PCDHA5: variants seen among roughly 807,000 people sequenced by gnomAD.
PCDHA5 encodes protocadherin alpha-5.
A neutral mutation model predicts 61.6 loss-of-function variants in PCDHA5; 43 were observed. That is an observed-to-expected ratio of 0.70 (90% CI 0.55 to 0.90). The LOEUF (loss-of-function observed/expected upper bound fraction) is 0.90. PCDHA5 is among the 40% of genes least tolerant of loss of function. The probability of loss-of-function intolerance (pLI) is 0.00; values close to 1 mark genes in which losing one functional copy is unlikely to be tolerated. For missense variants in PCDHA5, 1,298 were observed against 1,222.7 expected (o/e 1.06, Z -0.92); for synonymous variants, 627 against 543.9 (o/e 1.15, Z -2.13).
intron 1 of PCDHA5, chr5:140,824,619 T>TTG (rs1768249462): frequency 7.7e-6 from 1 of 129,516 alleles, no homozygotes; most frequent in African/African-American, 3.5e-5. Flanking sequence ...AGTTTTTTTT[T>TTG]TTTTTTTTTT....
At chr5:140,876,334 A>G (rs782377581) in intron 1 of PCDHA5, 3 of 1,613,912 alleles carry the variant, frequency 1.9e-6, no homozygotes, top group African/African-American at 1.3e-5. Flanking sequence ...TTTGCCAGTG[A>G]GTGAGAAATG....
chr5:140,928,012 A>C, intron 1 of PCDHA5: 2 of 1,614,190 alleles, frequency 1.2e-6, no homozygotes, highest in Non-Finnish European at 1.7e-6. Context: ...TTCTAATGGT[A>C]GGGTCATTTG....
rs1218932812 is a variant in PCDHA5, at chr5:140,823,547, C to T, written c.1772C>T (p.Ala591Val). Residue 591 changes from alanine to valine, a missense_variant, in exon 1 of 4, where the codon GCG (alanine) becomes GTG (valine). Physicochemically the swap from Ala to Val is moderately conservative, Grantham distance 64. Transcript: ENST00000529859. ...TCAGTGGGTGCGGGCCACGTGGTGG[C>T]GAAGGTGCGCGCAGTGGACCCTGAT... ...PRSVGAGHVV[A>V]KVRAVDPDSG... 3 of 1,613,724 alleles carry T rather than the reference C, an allele frequency of 1.9e-6. No individual in the cohort carries two copies. Among genetic ancestry groups the T allele is most frequent in the Non-Finnish European group, 2.5e-6 (3 of 1,179,888 alleles).
chr5:140,892,874 C>T (rs1157291129), intron 1 of PCDHA5, among the ~76,000 whole-genome samples: 2 of 152,148 alleles, frequency 1.3e-5, no homozygotes, highest in Non-Finnish European at 2.9e-5. Flanking sequence ...GCTATAATTT[C>T]GTATCCATTA....
intron 1 of PCDHA5, chr5:140,871,484 A>T: frequency 6.3e-7 from 1 of 1,592,270 alleles, no homozygotes; most frequent in Non-Finnish European, 8.6e-7. Context: ...GGGTCAAATC[A>T]CCCCGGACAG....
At chr5:140,989,296 G>A (rs1587341853) in intron 3 of PCDHA5, among the ~76,000 whole-genome samples, 1 of 152,128 alleles carries the variant, frequency 6.6e-6, no homozygotes, top group South Asian at 2.1e-4. Context: ...TGTCACAAAG[G>A]GCCAAGGAAG....
chr5:140,903,823 G>A (rs1303323584), intron 1 of PCDHA5, among the ~76,000 whole-genome samples: 1 of 152,048 alleles, frequency 6.6e-6, no homozygotes, highest in Non-Finnish European at 1.5e-5. Flanking sequence ...TCACATGAAT[G>A]TCTGTTGGTA....
chr5:140,854,428 A>G (rs1402946580), intron 1 of PCDHA5: 1 of 151,142 alleles, frequency 6.6e-6, no homozygotes, highest in Non-Finnish European at 1.5e-5. Context: ...TAAAATCAGA[A>G]TTTGAATGAA....
At chr5:140,861,662 G>A (rs1396410741) in intron 1 of PCDHA5, 1 of 264,436 alleles carries the variant, frequency 3.8e-6, no homozygotes, top group East Asian at 9.8e-5. Flanking sequence ...TGAAACGAGA[G>A]CTCTTGATTA....
intron 1 of PCDHA5, among the ~76,000 whole-genome samples, chr5:140,832,290 AT>A (rs1771900444): frequency 6.6e-6 from 1 of 152,162 alleles, no homozygotes; most frequent in Non-Finnish European, 1.5e-5. Context: ...TGAATGGTGT[AT>A]TTGCCCACAT....
chr5:140,993,906 C>T (rs1245923228), intron 3 of PCDHA5, among the ~76,000 whole-genome samples: 1 of 152,088 alleles, frequency 6.6e-6, no homozygotes, highest in Non-Finnish European at 1.5e-5. Flanking sequence ...AACAAAAATG[C>T]CTAGTGATGC....
At chr5:140,912,578 A>G (rs2075983045) in intron 1 of PCDHA5, among the ~76,000 whole-genome samples, 1 of 152,052 alleles carries the variant, frequency 6.6e-6, no homozygotes, top group Admixed American at 6.5e-5. Context: ...CCTCTTTTCC[A>G]ATTTGGATGC....
intron 1 of PCDHA5, chr5:140,869,029 A>AT (rs1364344296): frequency 2.6e-6 from 4 of 1,526,350 alleles, no homozygotes; most frequent in Non-Finnish European, 3.5e-6. Flanking sequence ...ATTCAACGAG[A>AT]TTTTTAACCT....
At chr5:140,932,312 T>C (rs2088188856) in intron 1 of PCDHA5, among the ~76,000 whole-genome samples, 1 of 151,922 alleles carries the variant, frequency 6.6e-6, no homozygotes, top group Admixed American at 6.6e-5. Context: ...GGTATAAATA[T>C]ATTAATGTAG....
intron 1 of PCDHA5, chr5:140,967,218 C>G: frequency 6.2e-7 from 1 of 1,613,744 alleles, no homozygotes; most frequent in Non-Finnish European, 8.5e-7. Flanking sequence ...TTCCCGCGGC[C>G]CAACTACCAG....
At chr5:140,856,497 G>GA (rs781946866) in intron 1 of PCDHA5, 1 of 1,598,346 alleles carries the variant, frequency 6.3e-7, no homozygotes, top group Admixed American at 1.7e-5. Flanking sequence ...CTTGACTCTC[G>GA]ATTTCCACTA....
intron 1 of PCDHA5, chr5:140,857,094 T>G (rs781941290): frequency 4.4e-6 from 7 of 1,596,938 alleles, no homozygotes; most frequent in Non-Finnish European, 6.0e-6. Flanking sequence ...TCACCTGAGG[T>G]GATTGTCACT....
At chr5:140,995,342 A>G (rs2097678065) in intron 3 of PCDHA5, among the ~76,000 whole-genome samples, 1 of 152,122 alleles carries the variant, frequency 6.6e-6, no homozygotes, top group African/African-American at 2.4e-5. Flanking sequence ...TGTAGACGGC[A>G]TGGATAGGTC....
intron 1 of PCDHA5, among the ~76,000 whole-genome samples, chr5:140,958,548 A>C (rs185504563): frequency 6.6e-6 from 1 of 152,180 alleles, no homozygotes; most frequent in African/African-American, 2.4e-5. Context: ...TTATGAACCA[A>C]TAAATGTTTC....
Sources: gnomAD v4.1 joint callset for allele counts (sites outside exome capture counted in the v4.1 genomes callset) on GRCh38, gnomAD v4.1.1 for gene constraint, MANE v1.5 for transcripts, NCBI Gene and HGNC (gene_info 2026-07-23, HGNC 2026-07-21) for gene names.